Variants in HS6ST3 observed in about 807,000 individuals in gnomAD.
HS6ST3 encodes heparan-sulfate 6-O-sulfotransferase 3.
A neutral mutation model predicts 36.7 loss-of-function variants in HS6ST3; 12 were observed. The ratio of observed to expected loss-of-function variants is 0.33; its 90% CI spans 0.21 to 0.53. The LOEUF (loss-of-function observed/expected upper bound fraction) is 0.53, where lower values mean the gene tolerates loss of function less well. Ranked by LOEUF, HS6ST3 falls within the 20% of genes least tolerant of loss-of-function variation. The pLI, the probability that HS6ST3 is intolerant of heterozygous loss-of-function variation, is 0.95. For missense variants in HS6ST3, 584 were observed against 640.9 expected (o/e 0.91, Z 0.96); for synonymous variants, 240 against 257.5 (o/e 0.93, Z 0.65).
chr13:96,704,333 A>G (rs1875364614), intron 1 of HS6ST3, among the ~76,000 whole-genome samples: 1 of 152,176 alleles, frequency 6.6e-6, no homozygotes, highest in African/African-American at 2.4e-5. Flanking sequence ...CACATACAAT[A>G]TGGAACTGGT....
At chr13:96,163,267 T>C (rs892871987) in intron 1 of HS6ST3, among the ~76,000 whole-genome samples, 9 of 142,494 alleles carry the variant, frequency 6.3e-5, no homozygotes, top group Non-Finnish European at 9.0e-5. Flanking sequence ...TCTCGCTCTG[T>C]CGCCCAGGCT....
intron 1 of HS6ST3, among the ~76,000 whole-genome samples, chr13:96,350,352 C>A (rs1166204444): frequency 6.6e-6 from 1 of 152,158 alleles, no homozygotes; most frequent in African/African-American, 2.4e-5. Context: ...CTTGCAAATC[C>A]CATAATGTTT....
chr13:96,476,901 C>T (rs1237414858), intron 1 of HS6ST3, among the ~76,000 whole-genome samples: 2 of 152,134 alleles, frequency 1.3e-5, no homozygotes, highest in Non-Finnish European at 2.9e-5. Flanking sequence ...TAATTTAGAA[C>T]ATTTTACACA....
intron 1 of HS6ST3, among the ~76,000 whole-genome samples, chr13:96,382,819 T>G (rs1244445441): frequency 6.6e-6 from 1 of 152,228 alleles, no homozygotes; most frequent in African/African-American, 2.4e-5. Flanking sequence ...TATTAAGATT[T>G]CTTCTCTCAC....
chr13:96,669,952 G>C (rs542383157), intron 1 of HS6ST3, among the ~76,000 whole-genome samples: 1 of 152,194 alleles, frequency 6.6e-6, no homozygotes, highest in African/African-American at 2.4e-5. Flanking sequence ...ATAGGGGCTA[G>C]AAATTTAAAT....
intron 1 of HS6ST3, among the ~76,000 whole-genome samples, chr13:96,181,872 A>G (rs572727565): frequency 6.6e-6 from 1 of 151,672 alleles, no homozygotes; most frequent in Admixed American, 6.6e-5. Context: ...TTCTCCCCCC[A>G]CTGCAGGATA....
At chr13:96,780,995 A>G (rs1157363202) in intron 1 of HS6ST3, among the ~76,000 whole-genome samples, 1 of 151,740 alleles carries the variant, frequency 6.6e-6, no homozygotes. Context: ...CTGCATAAAC[A>G]TTATTACACC....
intron 1 of HS6ST3, among the ~76,000 whole-genome samples, chr13:96,161,719 C>T (rs191038162): frequency 6.6e-6 from 1 of 152,254 alleles, no homozygotes; most frequent in East Asian, 1.9e-4. Context: ...GATTATAAAA[C>T]CAACAAATTC....
Position 96,588,474 on chromosome 13 carries a change from AT to A in HS6ST3, c.708-244015del, listed in dbSNP as rs200275360. 7.0e-4 allele frequency among the ~76,000 whole-genome samples: 106 copies of A among 152,278 alleles called. 1 individual carries two copies. In the East Asian group the frequency reaches 0.02, roughly 29 times the overall value. On this transcript the variant is annotated intron_variant, in intron 1 of 1. Transcript: ENST00000376705. Reference sequence around the variant, plus strand: ...GAATTTTGTCAAATGCTTTTTCTGCATCTGTTGAAATGATTATATGGTTTTT... The same window carrying A: ...GAATTTTGTCAAATGCTTTTTCTGCACTGTTGAAATGATTATATGGTTTTT...
At chr13:96,422,112 C>T (rs938931192) in intron 1 of HS6ST3, among the ~76,000 whole-genome samples, 2 of 152,114 alleles carry the variant, frequency 1.3e-5, no homozygotes, top group Non-Finnish European at 2.9e-5. Context: ...AAAATTACAG[C>T]ACAGTGTTAA....
chr13:96,383,959 A>T (rs1252720759), intron 1 of HS6ST3, among the ~76,000 whole-genome samples: 1 of 152,182 alleles, frequency 6.6e-6, no homozygotes, highest in African/African-American at 2.4e-5. Flanking sequence ...GAGAAGAGAC[A>T]CTAAAGGAAA....
chr13:96,703,776 C>A (rs1053570755), intron 1 of HS6ST3, among the ~76,000 whole-genome samples: 8 of 152,276 alleles, frequency 5.3e-5, no homozygotes, highest in Middle Eastern at 3.4e-3. Flanking sequence ...TTTCAAATTT[C>A]ATCTCAAATT....
chr13:96,245,893 A>AG (rs1394229649), intron 1 of HS6ST3, among the ~76,000 whole-genome samples: 1 of 152,148 alleles, frequency 6.6e-6, no homozygotes, highest in Middle Eastern at 3.2e-3. Flanking sequence ...ATGTGGGAAT[A>AG]GGGGAACATC....
chr13:96,351,335 T>TTTTTTTTTTTTTTTTTTTA (rs1203595829), intron 1 of HS6ST3, among the ~76,000 whole-genome samples: 2 of 146,366 alleles, frequency 1.4e-5, no homozygotes, highest in African/African-American at 5.2e-5. Flanking sequence ...TTTTTTTTTT[T>TTTTTTTTTTTTTTTTTTTA]AAAAAAAACA....
chr13:96,322,506 G>A (rs990724807), intron 1 of HS6ST3, among the ~76,000 whole-genome samples: 3 of 152,034 alleles, frequency 2.0e-5, no homozygotes, highest in African/African-American at 7.2e-5. Flanking sequence ...GCAGTGAGCC[G>A]AGATTGTACT....
At chr13:96,497,298 C>T (rs1026134869) in intron 1 of HS6ST3, among the ~76,000 whole-genome samples, 1 of 152,110 alleles carries the variant, frequency 6.6e-6, no homozygotes, top group Non-Finnish European at 1.5e-5. Flanking sequence ...AATTCTGACC[C>T]ATGAACTTAA....
chr13:96,331,390 C>T (rs1309274296), intron 1 of HS6ST3, among the ~76,000 whole-genome samples: 1 of 151,900 alleles, frequency 6.6e-6, no homozygotes. Context: ...GTTAGTTTTC[C>T]TTCTAACAGA....
intron 1 of HS6ST3, among the ~76,000 whole-genome samples, chr13:96,356,699 A>G (rs1413632541): frequency 6.6e-6 from 1 of 152,182 alleles, no homozygotes; most frequent in Non-Finnish European, 1.5e-5. Context: ...TAGATTTAGC[A>G]TAATTCTTCA....
intron 1 of HS6ST3, among the ~76,000 whole-genome samples, chr13:96,322,518 G>T (rs1460631074): frequency 6.6e-6 from 1 of 151,994 alleles, no homozygotes; most frequent in Non-Finnish European, 1.5e-5. Flanking sequence ...GATTGTACTA[G>T]TGTACTCTAG....
Sources: allele counts gnomAD v4.1 joint callset (sites outside exome capture counted in the v4.1 genomes callset), GRCh38; gene constraint gnomAD v4.1.1; transcripts MANE v1.5; gene names NCBI Gene and HGNC (gene_info 2026-07-23, HGNC 2026-07-21).